Variants in TMEM266 observed in about 807,000 individuals in gnomAD.
TMEM266 encodes the protein Hv1 related protein 1.
Under a neutral mutation model 50.5 loss-of-function variants are expected in TMEM266, and 33 were observed. The ratio of observed to expected loss-of-function variants is 0.65; its 90% CI spans 0.50 to 0.87. TMEM266 has a LOEUF of 0.87. TMEM266 is among the 40% of genes least tolerant of loss of function. The pLI, the probability that TMEM266 is intolerant of heterozygous loss-of-function variation, is 0.00. For synonymous variants in TMEM266, 310 were observed against 292.3 expected, an observed-to-expected ratio of 1.06 and a Z score of -0.62; for missense variants, 655 against 695.1, an observed-to-expected ratio of 0.94 and a Z score of 0.65.
At chr15:76,167,803 T>A (rs1242868443) in intron 5 of TMEM266, among the ~76,000 whole-genome samples, 1 of 152,134 alleles carries the variant, frequency 6.6e-6, no homozygotes, top group Non-Finnish European at 1.5e-5. Flanking sequence ...GCCTGCTTGT[T>A]ACATGGTGTT....
At chr15:76,203,126 C>T (rs2038776125) in intron 10 of TMEM266, among the ~76,000 whole-genome samples, 1 of 152,122 alleles carries the variant, frequency 6.6e-6, no homozygotes, top group African/African-American at 2.4e-5. Flanking sequence ...ATCCTCTGAT[C>T]CTGTGATGCA....
chr15:76,155,593 G>A (rs983766270), intron 3 of TMEM266, among the ~76,000 whole-genome samples: 1 of 152,144 alleles, frequency 6.6e-6, no homozygotes, highest in African/African-American at 2.4e-5. Context: ...GGGAAGCCCT[G>A]ATTCTGTAAT....
intron 1 of TMEM266, among the ~76,000 whole-genome samples, chr15:76,067,662 AAAG>A (rs1453099432): frequency 6.7e-6 from 1 of 148,880 alleles, no homozygotes; most frequent in East Asian, 1.9e-4. Flanking sequence ...AAAGAAAAGA[AAAG>A]AAAAGAAAAA....
intron 8 of TMEM266, among the ~76,000 whole-genome samples, chr15:76,184,742 C>A (rs1458493113): frequency 1.3e-5 from 2 of 152,180 alleles, no homozygotes; most frequent in Non-Finnish European, 1.5e-5. Flanking sequence ...GTGGGTCTGA[C>A]CCCTCCTGGG....
At chr15:76,165,372 T>A (rs1317555910) in intron 5 of TMEM266, among the ~76,000 whole-genome samples, 2 of 152,250 alleles carry the variant, frequency 1.3e-5, no homozygotes, top group African/African-American at 4.8e-5. Context: ...ATCTCTCAAA[T>A]GGTATAAAAA....
chr15:76,191,896 G>C, intron 8 of TMEM266, 72 bp from the exon 9 acceptor site: 3 of 1,382,618 alleles, frequency 2.2e-6, no homozygotes, highest in South Asian at 1.5e-5. Flanking sequence ...GGAGCAAAGC[G>C]CCCAGAGGTC....
In TMEM266 at chr15:76,168,142, GCCACCCCACCCAGATCTCTCC is replaced by G. The variant is rs1208420511; in HGVS notation, c.457-1666_457-1646del. Among the ~76,000 whole-genome samples, 3 of 152,194 alleles carry G rather than the reference GCCACCCCACCCAGATCTCTCC, an allele frequency of 2.0e-5. No individual in the cohort carries two copies. The highest frequency in any genetic ancestry group is 7.2e-5 in the African/African-American group (3 of 41,452). Reference sequence around the variant, plus strand: ...TGAGCTCTGATCTCAAGACATTGTGGCCACCCCACCCAGATCTCTCCCCACCCCTGCAAGCTGTCTCGCAGT... The same window carrying G: ...TGAGCTCTGATCTCAAGACATTGTGGCCACCCCTGCAAGCTGTCTCGCAGT... On this transcript the variant is annotated intron_variant, in intron 5 of 10. Transcript: ENST00000388942. This position sits in a 1 kb window ranked among gnomAD's most constrained non-coding sequence, Gnocchi z 4.4.
intron 10 of TMEM266, among the ~76,000 whole-genome samples, chr15:76,202,755 C>A (rs2038768784): frequency 6.6e-6 from 1 of 152,136 alleles, no homozygotes; most frequent in Non-Finnish European, 1.5e-5. Context: ...AACGCTGAGG[C>A]CTTGGGTGTC....
At chr15:76,135,502 C>T (rs761242734) in intron 2 of TMEM266, among the ~76,000 whole-genome samples, 8 of 152,200 alleles carry the variant, frequency 5.3e-5, no homozygotes, top group Non-Finnish European at 7.4e-5. Flanking sequence ...AGAAAGTTCT[C>T]TTTGTTTAGT....
chr15:76,199,074 C>T (rs546160065), intron 9 of TMEM266, among the ~76,000 whole-genome samples: 2 of 152,326 alleles, frequency 1.3e-5, no homozygotes, highest in East Asian at 3.9e-4. Flanking sequence ...AAAGGGTAAA[C>T]CATGAAGTCC....
chr15:76,117,592 G>A (rs7182191), intron 1 of TMEM266, among the ~76,000 whole-genome samples: 47,801 of 151,798 alleles, frequency 0.31, 8,886 homozygotes, highest in East Asian at 0.62. Context: ...AACGCAAGCC[G>A]TGATGAGAAT....
At chr15:76,196,442 T>C (rs1017107810) in intron 9 of TMEM266, among the ~76,000 whole-genome samples, 3 of 152,096 alleles carry the variant, frequency 2.0e-5, no homozygotes, top group African/African-American at 7.2e-5. Flanking sequence ...ACACAGGGCA[T>C]CCCCCAGCTG....
chr15:76,150,174 T>A (rs1368936817), intron 3 of TMEM266, among the ~76,000 whole-genome samples: 1 of 152,262 alleles, frequency 6.6e-6, no homozygotes, highest in South Asian at 2.1e-4. Context: ...TGCTGTAGTT[T>A]TGTGCATTTG....
chr15:76,170,880 TG>T, intron 6 of TMEM266, 112 bp from the exon 7 acceptor site: 6 of 1,343,380 alleles, frequency 4.5e-6, no homozygotes, highest in Non-Finnish European at 6.0e-6. Flanking sequence ...GGCCTTCTGG[TG>T]GGGGCCCGGG....
At chr15:76,146,600 G>A (rs1004146405) in intron 3 of TMEM266, among the ~76,000 whole-genome samples, 1 of 152,162 alleles carries the variant, frequency 6.6e-6, no homozygotes. Flanking sequence ...GGGATTTCAG[G>A]TTAGAAAAAT....
chr15:76,106,913 G>A (rs2037089919), intron 1 of TMEM266, among the ~76,000 whole-genome samples: 1 of 152,132 alleles, frequency 6.6e-6, no homozygotes, highest in South Asian at 2.1e-4. Flanking sequence ...TCCCCATGTT[G>A]TGTTCTTTCC....
intron 1 of TMEM266, among the ~76,000 whole-genome samples, chr15:76,078,599 C>T (rs2036639126): frequency 6.6e-6 from 1 of 152,168 alleles, no homozygotes; most frequent in South Asian, 2.1e-4. Context: ...TGTGCTACCT[C>T]AAGGGACATC....
chr15:76,091,721 G>T (rs750443339), intron 1 of TMEM266, among the ~76,000 whole-genome samples: 13 of 151,928 alleles, frequency 8.6e-5, no homozygotes, highest in African/African-American at 3.1e-4. Context: ...GGGCGCAGTG[G>T]CTCACACCTG....
At chr15:76,145,778 T>A (rs978499880) in intron 3 of TMEM266, among the ~76,000 whole-genome samples, 1 of 152,252 alleles carries the variant, frequency 6.6e-6, no homozygotes, top group Non-Finnish European at 1.5e-5. Flanking sequence ...TTAGGCTGTT[T>A]CTTCAATGAC....
Sources: allele counts gnomAD v4.1 joint callset (sites outside exome capture counted in the v4.1 genomes callset), GRCh38; gene constraint gnomAD v4.1.1; non-coding constraint Gnocchi (gnomAD v3.1); transcripts MANE v1.5; gene names NCBI Gene and HGNC (gene_info 2026-07-23, HGNC 2026-07-21).